The following SLC25A10 variants were observed in gnomAD, a reference collection of about 807,000 sequenced individuals.
SLC25A10 encodes solute carrier family 25 member 10, also known as mitochondrial dicarboxylate carrier.
A neutral mutation model predicts 40.4 loss-of-function variants in SLC25A10; 32 were observed. The observed-to-expected ratio is 0.79, with a 90% CI of 0.60 to 1.06. The LOEUF is 1.06. Ranked by LOEUF, SLC25A10 falls within the 50% of genes least tolerant of loss-of-function variation. The pLI is 0.00. For missense variants in SLC25A10, 394 were observed against 402.6 expected (o/e 0.98, Z 0.18); for synonymous variants, 181 against 171.1 (o/e 1.06, Z -0.45).
Position 81,715,076 on chromosome 17 carries a change from C to T in SLC25A10, c.213+4C>T, listed in dbSNP as rs546038109. 365 of 1,608,704 alleles carry T rather than the reference C, an allele frequency of 2.3e-4. 3 individuals are homozygous for T. The Middle Eastern group carries it at 3.1e-3, about 14-fold the overall frequency. ...GAGCGCCTCGCTGTGCAGACAGGTG[C>T]GTGGTGTGTGCCAGCCTTGGGCTCC... On this transcript the variant is annotated splice_donor_region_variant and intron_variant, in intron 2 of 10. Transcript: ENST00000350690.
At chr17:81,715,972 G>GGCCCCCC in intron 4 of SLC25A10, 37 bp from the exon 5 acceptor site, 2 of 1,540,414 alleles carry the variant, frequency 1.3e-6, no homozygotes, top group Non-Finnish European at 1.8e-6. Flanking sequence ...ATGCCCCTCG[G>GGCCCCCC]CCCGCCCGCC....
rs550697604 is a variant in SLC25A10 at position 81,717,564 on chromosome 17, G to A, written c.627+73G>A. 7.5e-5 allele frequency: 116 copies of A among 1,542,826 alleles called. 1 individual carries two copies. The South Asian group carries it at 1.2e-3, about 16-fold the overall frequency. On this transcript the variant is annotated intron_variant, in intron 8 of 10. Transcript: ENST00000350690. ...GCGCTGAGGGCACCCAGGATGGGGC[G>A]AGGGCTGGGGGAGGCGGGGGCCTTG...
At chr17:81,713,774 G>A (rs1157028544) in intron 1 of SLC25A10, among the ~76,000 whole-genome samples, 2 of 152,202 alleles carry the variant, frequency 1.3e-5, no homozygotes, top group African/African-American at 4.8e-5. Flanking sequence ...TCCCTTGTCC[G>A]GGGTCTGAGC....
chr17:81,712,532 C>T lies in SLC25A10; in HGVS notation c.93+13C>T. The T allele has an allele frequency of 8.1e-7, 1 of 1,236,910 alleles. No individual in the cohort carries two copies. The highest frequency in any genetic ancestry group is 1.0e-6 in the Non-Finnish European group (1 of 988,158). 76.6% of individuals were successfully genotyped at this position (1,236,910 alleles called of 1,614,324 possible). On this transcript the variant is annotated intron_variant, in intron 1 of 10. Coordinates refer to ENST00000350690, the MANE Select transcript of SLC25A10 (RefSeq NM_012140.5). The stretch of plus-strand genomic sequence containing the variant: ...GGACCTGCTCAAGGTGAGGCCGGGG[C>T]CCGGGACGCGGGGCGGATGGGACCC...
At position 81,720,469 on chromosome 17, in the gene SLC25A10, G is replaced by A. The variant is rs1332110594; in HGVS notation, c.*392G>A. ...TTCCAGCACTTTCCATCGAGGACTT[G>A]GGTGGCAGAGTGTGGGTGCAGCCTG... is the stretch of plus-strand genomic sequence containing the variant. On this transcript the variant is annotated 3_prime_UTR_variant, in exon 11 of 11. Coordinates refer to ENST00000350690, the MANE Select transcript of SLC25A10 (RefSeq NM_012140.5). 11 of 1,324,878 alleles carry A rather than the reference G, an allele frequency of 8.3e-6. No homozygotes were observed. The highest frequency in any genetic ancestry group is 1.5e-5 in the African/African-American group (1 of 67,108). 82.1% of individuals were successfully genotyped at this position (1,324,878 alleles called of 1,614,324 possible). A position where few individuals can be genotyped will look rare whatever the true frequency, so the allele number is the denominator to read the frequency against.
chr17:81,714,272 C>T (rs1411978829), intron 1 of SLC25A10, among the ~76,000 whole-genome samples: 1 of 152,228 alleles, frequency 6.6e-6, no homozygotes. Flanking sequence ...TGGCCAATCC[C>T]CCTACTGCCG....
In SLC25A10 at chr17:81,715,524, A is replaced by G; in HGVS notation, c.260A>G (p.Asp87Gly). The G allele has an allele frequency of 1.2e-6, 2 of 1,612,598 alleles. No homozygotes were observed. The highest frequency in any genetic ancestry group is 2.2e-5 in the South Asian group (2 of 91,054). The change falls in exon 3 of 11, where the codon GAC becomes GGC. Residue 87 changes from aspartate to glycine, a missense_variant. By Grantham distance (94) the Asp-to-Gly change is moderately conservative (BLOSUM62 -1). Transcript: ENST00000350690. ...TRFAIYETVRDRVAKGSQGPL... is the reference protein window; with the variant it reads ...TRFAIYETVRGRVAKGSQGPL... ...TTCGCCATCTACGAGACTGTGCGGG[A>G]CCGTGTGGCCAAGGGCAGCCAGGGG...
At position 81,715,209 on chromosome 17, in the gene SLC25A10, C is replaced by T. The variant is rs932060477; in HGVS notation, c.213+137C>T. 12 of 1,338,216 alleles carry T rather than the reference C, an allele frequency of 9.0e-6. No homozygotes were observed. In the Admixed American group the frequency reaches 9.2e-5, roughly 10 times the overall value. 82.9% of individuals were successfully genotyped at this position (1,338,216 alleles called of 1,614,324 possible). On this transcript the variant is annotated intron_variant, in intron 2 of 10. Transcript: ENST00000350690. ...GCCGAGAGCTGGTGACCCCAGGGTG[C>T]GCCTCCCATGGGCACCCACCCAGTT...
At chr17:81,716,174 T>G in intron 5 of SLC25A10, 124 bp downstream of exon 5, 1 of 1,056,432 alleles carries the variant, frequency 9.5e-7, no homozygotes, top group South Asian at 1.4e-5. Context: ...GCACGGTCCA[T>G]GGAGGGTCCT....
chr17:81,716,791 G>A (rs1350046530), intron 5 of SLC25A10, 21 bp from the exon 6 acceptor site: 1 of 1,601,288 alleles, frequency 6.2e-7, no homozygotes, highest in Non-Finnish European at 8.5e-7. Context: ...GTCTCATGTG[G>A]TCATTCTGTG....
intron 9 of SLC25A10, 147 bp downstream of exon 9, chr17:81,718,008 G>A: frequency 1.5e-6 from 1 of 660,726 alleles, no homozygotes; most frequent in Non-Finnish European, 2.7e-6. Context: ...TGCCTTGGGA[G>A]AGGGTTGTGC....
intron 6 of SLC25A10, 51 bp from the exon 7 acceptor site, chr17:81,716,951 G>GCCTGGCCTCACCCCTTGCCTCACC (rs756903298): frequency 4.4e-5 from 66 of 1,491,470 alleles, no homozygotes; most frequent in South Asian, 7.9e-5. Context: ...TGGGCCAGGT[G>GCCTGGCCTCACCCCTTGCCTCACC]CCTGGCCTCA....
At position 81,712,425 on chromosome 17, in the gene SLC25A10, C is replaced by A; in HGVS notation, c.-2C>A. ...CGGGCCGGGATTGGGCTCTCCTGGG[C>A]CATGGCAGCCGAGGCGCGCGTGTCG... On this transcript the variant is annotated 5_prime_UTR_variant, in exon 1 of 11. Coordinates refer to ENST00000350690, the MANE Select transcript of SLC25A10 (RefSeq NM_012140.5). 1 of 1,301,910 alleles carries A rather than the reference C, an allele frequency of 7.7e-7. No homozygotes were observed. The highest frequency in any genetic ancestry group is 9.7e-7 in the Non-Finnish European group (1 of 1,026,908). 80.6% of individuals were successfully genotyped at this position (1,301,910 alleles called of 1,614,324 possible).
intron 9 of SLC25A10, 101 bp downstream of exon 9, chr17:81,717,962 T>A: frequency 1.2e-6 from 1 of 839,798 alleles, no homozygotes; most frequent in South Asian, 1.4e-5. Flanking sequence ...GGGAAGGGTG[T>A]CCCTCCCTTC....
Position 81,720,625 on chromosome 17 carries a change from C to T in SLC25A10, c.*548C>T, listed in dbSNP as rs779547306. 5.8e-4 allele frequency: 518 copies of T among 898,600 alleles called. 3 individuals carry two copies. Among genetic ancestry groups the T allele is most frequent in the Middle Eastern group, 5.4e-3 (14 of 2,602 alleles). The allele number at this position is 898,600 out of a possible 1,614,324, so 55.7% of individuals were successfully genotyped here. ...GGTGGGATGAACAAGCAACGCAGAC[C>T]ACAAGCGAGTGCCTGGGAGGGAGTG... On this transcript the variant is annotated 3_prime_UTR_variant, in exon 11 of 11. Coordinates refer to ENST00000350690, the MANE Select transcript of SLC25A10 (RefSeq NM_012140.5).
chr17:81,714,734 G>A (rs1264948221), intron 1 of SLC25A10, among the ~76,000 whole-genome samples: 1 of 152,224 alleles, frequency 6.6e-6, no homozygotes, highest in Admixed American at 6.5e-5. Flanking sequence ...TACGCGGGGC[G>A]CTCGCGGGGC....
chr17:81,716,891 G>A (rs1485223337), intron 6 of SLC25A10, 36 bp downstream of exon 6: 2 of 1,608,874 alleles, frequency 1.2e-6, no homozygotes, highest in South Asian at 1.1e-5. Flanking sequence ...CAGGGTTCTG[G>A]GGGGCAGGCA....
chr17:81,719,769 G>A, intron 9 of SLC25A10, 62 bp from the exon 10 acceptor site: 1 of 1,599,284 alleles, frequency 6.3e-7, no homozygotes, highest in East Asian at 2.2e-5. Context: ...CCTGGGAGGG[G>A]ATTTTCGTTG....
chr17:81,716,152 G>A lies in SLC25A10; in HGVS notation c.419+102G>A, dbSNP rs1325876323. The A allele has an allele frequency of 3.8e-6, 5 of 1,312,130 alleles. No individual in the cohort carries two copies. The East Asian group carries it at 1.3e-4, about 33-fold the overall frequency. 81.3% of individuals were successfully genotyped at this position (1,312,130 alleles called of 1,614,324 possible). On this transcript the variant is annotated intron_variant, in intron 5 of 10. Coordinates refer to ENST00000350690, the MANE Select transcript of SLC25A10 (RefSeq NM_012140.5). ...CGTGACCCAGCTGAGGCTCCAGCAGGCCGAGGTGCCTGCACGGTCCATGGA... is the reference window on the plus strand; with the variant it reads ...CGTGACCCAGCTGAGGCTCCAGCAGACCGAGGTGCCTGCACGGTCCATGGA...
Sources: gnomAD v4.1 joint callset for allele counts (sites outside exome capture counted in the v4.1 genomes callset) on GRCh38, gnomAD v4.1.1 for gene constraint, MANE v1.5 for transcripts, NCBI Gene and HGNC (gene_info 2026-07-23, HGNC 2026-07-21) for gene names.